The following FRMD3 variants were observed in gnomAD, a reference collection of about 807,000 sequenced individuals.
The protein encoded by FRMD3 is FERM domain containing 3.
FRMD3 carries 33 observed loss-of-function variants against 70.2 expected under a neutral mutation model. That is an observed-to-expected ratio of 0.47 (90% CI 0.36 to 0.63). FRMD3 has a LOEUF of 0.63. Among genes scored for constraint, FRMD3 ranks in the 20% least tolerant of loss-of-function variants. The pLI is 0.00. For synonymous variants in FRMD3, 279 were observed against 255.9 expected, an observed-to-expected ratio of 1.09 and a Z score of -0.86; for missense variants, 632 against 711.4, an observed-to-expected ratio of 0.89 and a Z score of 1.27.
At position 83,450,749 on chromosome 9, in the gene FRMD3, A is replaced by G. The variant is rs570906639; in HGVS notation, c.148-61041T>C. On this transcript the variant is annotated intron_variant, in intron 1 of 13. Transcript: ENST00000304195. ...CAACCACAAAGGCTGGGCAGGGAAA[A>G]CAAAACCATTAAACTCTCTAGAAAA... Among the ~76,000 whole-genome samples the G allele has an allele frequency of 8.5e-5, 13 of 152,280 alleles. No individual in the cohort carries two copies. The South Asian group carries it at 2.7e-3, about 32-fold the overall frequency.
intron 2 of FRMD3, among the ~76,000 whole-genome samples, chr9:83,381,406 A>G (rs1218945723): frequency 6.6e-6 from 1 of 152,090 alleles, no homozygotes; most frequent in Non-Finnish European, 1.5e-5. Context: ...GATACAAAAA[A>G]TTAGCCGGGT....
intron 1 of FRMD3, among the ~76,000 whole-genome samples, chr9:83,416,745 G>GTCTCTCTGTCTCTCTCTCTC (rs1554702036): frequency 9.8e-6 from 1 of 102,234 alleles, no homozygotes; most frequent in African/African-American, 3.9e-5. Flanking sequence ...ATTTCTCTCT[G>GTCTCTCTGTCTCTCTCTCTC]TCTCTCTCTC....
At chr9:83,340,465 G>A (rs962059649) in intron 5 of FRMD3, among the ~76,000 whole-genome samples, 1 of 152,176 alleles carries the variant, frequency 6.6e-6, no homozygotes, top group African/African-American at 2.4e-5. Context: ...AGCTCGAGTG[G>A]TCCAGGTAGA....
chr9:83,261,102 G>GACACACACACACACACACACACAC (rs59345002), intron 13 of FRMD3, among the ~76,000 whole-genome samples: 57 of 133,152 alleles, frequency 4.3e-4, no homozygotes, highest in African/African-American at 1.3e-3. Flanking sequence ...AGGAAACTTA[G>GACACACACACACACACACACACAC]ACACACACAC....
chr9:83,309,259 T>TAC (rs3029557), intron 10 of FRMD3, among the ~76,000 whole-genome samples: 8,740 of 138,254 alleles, frequency 0.063, 422 homozygotes, highest in African/African-American at 0.14. Context: ...CTATTTGAAA[T>TAC]ACACACACAC....
chr9:83,379,232 A>G (rs576995957), intron 2 of FRMD3, among the ~76,000 whole-genome samples: 4 of 152,262 alleles, frequency 2.6e-5, no homozygotes, highest in African/African-American at 9.6e-5. Context: ...GACTACACCA[A>G]TAACTCCTGC....
intron 1 of FRMD3, among the ~76,000 whole-genome samples, chr9:83,528,296 GACACACAC>G (rs35727605): frequency 6.7e-6 from 1 of 149,124 alleles, no homozygotes; most frequent in African/African-American, 2.5e-5. Context: ...TATAAACGCA[GACACACAC>G]ACACACACAC....
rs540443005 is a variant in FRMD3 at position 83,450,490 on chromosome 9, C to T, written c.148-60782G>A. On this transcript the variant is annotated intron_variant, in intron 1 of 13. Coordinates refer to ENST00000304195, the MANE Select transcript of FRMD3 (RefSeq NM_174938.6). ...GTCATCTAGCATTAGGTATATCTCC[C>T]ACCCTCAGTTTTTACATCTGTTTTT... 1.1e-3 allele frequency among the ~76,000 whole-genome samples: 170 copies of T among 152,174 alleles called. 1 individual carries two copies. Among genetic ancestry groups the T allele is most frequent in the African/African-American group, 3.9e-3 (161 of 41,530 alleles).
At position 83,284,076 on chromosome 9, in the gene FRMD3, T is replaced by A. The variant is rs947496346; in HGVS notation, c.1195+6527A>T. ...CTAGGATGTTATTTTTTTTTTTTTT[T>A]TTTTTTTTGCTCATTTATGCTTTTT... is the stretch of plus-strand genomic sequence containing the variant. On this transcript the variant is annotated intron_variant, in intron 13 of 13. Transcript: ENST00000304195. 6.9e-3 allele frequency among the ~76,000 whole-genome samples: 1,042 copies of A among 150,758 alleles called. 16 individuals carry two copies. The highest frequency in any genetic ancestry group is 0.033 in the East Asian group (170 of 5,134).
At chr9:83,466,814 G>A (rs1828140116) in intron 1 of FRMD3, among the ~76,000 whole-genome samples, 1 of 152,174 alleles carries the variant, frequency 6.6e-6, no homozygotes, top group Non-Finnish European at 1.5e-5. Flanking sequence ...TCATGTGTGG[G>A]AGGTTAACTA....
chr9:83,347,000 C>A (rs1024591082), intron 4 of FRMD3, among the ~76,000 whole-genome samples: 1 of 152,134 alleles, frequency 6.6e-6, no homozygotes, highest in Admixed American at 6.6e-5. Context: ...CATGAAGTTT[C>A]TTTTCTGTGT....
intron 1 of FRMD3, among the ~76,000 whole-genome samples, chr9:83,446,646 CAAAAAAAAAA>C (rs780150860): frequency 9.6e-5 from 8 of 83,334 alleles, no homozygotes; most frequent in Middle Eastern, 7.0e-3. Flanking sequence ...GACTCGGTCT[CAAAAAAAAAA>C]AAAAAAAAAA....
intron 4 of FRMD3, among the ~76,000 whole-genome samples, chr9:83,346,178 C>T (rs766947383): frequency 2.2e-4 from 32 of 146,186 alleles, no homozygotes; most frequent in Admixed American, 1.1e-3. Flanking sequence ...ATTGCTTGAA[C>T]CCAGGAGGCA....
At chr9:83,536,929 C>CAAAA (rs1829904095) in intron 1 of FRMD3, among the ~76,000 whole-genome samples, 1 of 46,266 alleles carries the variant, frequency 2.2e-5, no homozygotes, top group African/African-American at 1.3e-4. Flanking sequence ...CTGTATTACA[C>CAAAA]TAAAAAAAAA....
In FRMD3 at chr9:83,247,981, A is replaced by C. The variant is rs1832192808; in HGVS notation, c.1731T>G (p.Cys577Trp). 6.2e-7 allele frequency: 1 copy of C among 1,614,076 alleles called. No homozygotes were observed. Among genetic ancestry groups the C allele is most frequent in the South Asian group, 1.1e-5 (1 of 91,084 alleles). ...TCCCAGCCACCCACTCCTTGAGGGG[A>C]CAGTAGTATTCATAGTGAAACTGCT... The part of the protein sequence containing the change: ...EFEQFHYEYY[C>W]PLKEWVAGKV... Residue 577 changes from cysteine (C) to tryptophan (W), a missense_variant, in exon 14 of 14, where the codon TGT (cysteine) becomes TGG (tryptophan). Physicochemically the swap from Cys to Trp is radical, Grantham distance 215 (BLOSUM62 -2). Around this residue, in one of 3 missense-constraint regions of FRMD3, gnomAD observed 418 missense variants for 442.1 expected, o/e 0.95. Transcript: ENST00000304195.
rs751065265 is a variant in FRMD3, at chr9:83,444,711, T to C, written c.148-55003A>G. Among the ~76,000 whole-genome samples the C allele has an allele frequency of 4.6e-5, 7 of 152,186 alleles. 1 individual carries two copies. The highest frequency in any genetic ancestry group is 7.4e-5 in the Non-Finnish European group (5 of 68,024). On this transcript the variant is annotated intron_variant, in intron 1 of 13. Transcript: ENST00000304195. ...TGAAAAGCAACAACAGGCTAAAAATTTGCTTCTGCCTTTGCTGTAAGATGC... is the reference window on the plus strand; with the variant it reads ...TGAAAAGCAACAACAGGCTAAAAATCTGCTTCTGCCTTTGCTGTAAGATGC...
chr9:83,357,767 G>C (rs1440016018), intron 3 of FRMD3, among the ~76,000 whole-genome samples: 1 of 151,996 alleles, frequency 6.6e-6, no homozygotes, highest in Non-Finnish European at 1.5e-5. Flanking sequence ...TTTTTGATGG[G>C]ATTGCTTGTT....
chr9:83,354,824 C>G (rs1470631980), intron 3 of FRMD3, among the ~76,000 whole-genome samples: 1 of 152,124 alleles, frequency 6.6e-6, no homozygotes, highest in Non-Finnish European at 1.5e-5. Flanking sequence ...CACCTCTGCT[C>G]CCTTTTCCCA....
chr9:83,253,759 T>A (rs1186007961), intron 13 of FRMD3, among the ~76,000 whole-genome samples: 2 of 152,172 alleles, frequency 1.3e-5, no homozygotes, highest in Admixed American at 6.5e-5. Context: ...GCCATCCCAT[T>A]ATTGGGTATA....
Sources: gnomAD v4.1 joint callset for allele counts (sites outside exome capture counted in the v4.1 genomes callset) on GRCh38, gnomAD v4.1.1 for gene constraint, gnomAD v4.1.1 regional missense constraint, MANE v1.5 for transcripts, NCBI Gene and HGNC (gene_info 2026-07-23, HGNC 2026-07-21) for gene names.